The following RNF4 variants were observed in gnomAD, a reference collection of about 807,000 sequenced individuals.
RNF4 encodes the protein E3 ubiquitin-protein ligase RNF4.
A neutral mutation model predicts 24.3 loss-of-function variants in RNF4; 7 were observed. The observed-to-expected ratio is 0.29, with a 90% CI of 0.16 to 0.54. RNF4 has a LOEUF of 0.54. Ranked by LOEUF, RNF4 falls within the 20% of genes least tolerant of loss-of-function variation. RNF4 has a pLI of 0.95. For synonymous variants in RNF4, 83 were observed against 84.3 expected (o/e 0.98, Z 0.09); for missense variants, 209 against 248.5 (o/e 0.84, Z 1.07).
rs80169458 is a variant in RNF4, at chr4:2,472,601, T to TA, written c.-158+3361dup. On this transcript the variant is annotated intron_variant, in intron 1 of 7. Coordinates refer to ENST00000314289, the MANE Select transcript of RNF4 (RefSeq NM_002938.5). ...ACCACCCCCTCCACTGCCAGTCTCTTAAAAAAAAAAAAAAAAAAGGGCGGC... is the reference window on the plus strand; with the variant it reads ...ACCACCCCCTCCACTGCCAGTCTCTTAAAAAAAAAAAAAAAAAAAGGGCGGC... Among the ~76,000 whole-genome samples the TA allele has an allele frequency of 2.3e-3, 314 of 135,590 alleles. 5 individuals carry two copies. The highest frequency in any genetic ancestry group is 7.7e-3 in the East Asian group (36 of 4,668). The allele number at this position is 135,590 out of a possible 152,430, so 89.0% of individuals were successfully genotyped here.
At position 2,504,524 on chromosome 4, in the gene RNF4, T is replaced by A. The variant is rs559839332; in HGVS notation, c.204+3786T>A. Among the ~76,000 whole-genome samples, 433 of 140,864 alleles carry A rather than the reference T, an allele frequency of 3.1e-3. 1 individual carries two copies. Among genetic ancestry groups the A allele is most frequent in the African/African-American group, 0.011 (407 of 38,426 alleles). The allele number at this position is 140,864 out of a possible 152,430, so 92.4% of individuals were successfully genotyped here. On this transcript the variant is annotated intron_variant, in intron 4 of 7. Transcript: ENST00000314289. ...GTTTAAAACTTCTTTGTTTTATAGC[T>A]TTTATTTATTTATTTATTTATTTAT...
chr4:2,502,799 G>A (rs1244971295), intron 4 of RNF4, among the ~76,000 whole-genome samples: 2 of 149,644 alleles, frequency 1.3e-5, no homozygotes, highest in South Asian at 2.1e-4. Context: ...AGCCAAGATC[G>A]CGCCACTGCA....
intron 4 of RNF4, among the ~76,000 whole-genome samples, chr4:2,504,545 T>C (rs1736010832): frequency 6.7e-6 from 1 of 149,166 alleles, no homozygotes; most frequent in African/African-American, 2.4e-5. Flanking sequence ...TATTTATTTA[T>C]TTATTTATTT....
At chr4:2,495,416 A>G (rs1444281119) in intron 2 of RNF4, among the ~76,000 whole-genome samples, 1 of 152,186 alleles carries the variant, frequency 6.6e-6, no homozygotes, top group Non-Finnish European at 1.5e-5. Context: ...GGATAGTAGT[A>G]GCATCTTCCG....
chr4:2,486,136 G>A (rs1423228356), intron 1 of RNF4, among the ~76,000 whole-genome samples: 3 of 152,154 alleles, frequency 2.0e-5, no homozygotes, highest in Non-Finnish European at 4.4e-5. Context: ...TGCTTCATGG[G>A]TAAAATGGGG....
chr4:2,504,310 T>TTA (rs1399016988), intron 4 of RNF4, among the ~76,000 whole-genome samples: 3 of 152,170 alleles, frequency 2.0e-5, no homozygotes, highest in Non-Finnish European at 2.9e-5. Context: ...ATGCCAGACT[T>TTA]TTCTAAAGAG....
At position 2,515,720 on chromosome 4, in the gene RNF4, G is replaced by A. The variant is rs1203847; in HGVS notation, c.*1901G>A. On this transcript the variant is annotated 3_prime_UTR_variant, in exon 8 of 8. Coordinates refer to ENST00000314289, the MANE Select transcript of RNF4 (RefSeq NM_002938.5). Reference sequence around the variant, plus strand: ...CGAACTAGGGAAAGGTTGGTATGAAGAAATGTCTTTCCTTTTTTCAATGTA... The same window carrying A: ...CGAACTAGGGAAAGGTTGGTATGAAAAAATGTCTTTCCTTTTTTCAATGTA... The A allele has an allele frequency of 0.96, 146,900 of 152,720 alleles. 70,704 individuals carry two copies. The highest frequency in any genetic ancestry group is 0.99 in the Middle Eastern group (290 of 294). The allele number at this position is 152,720 out of a possible 1,614,324, so 9.5% of individuals were successfully genotyped here.
chr4:2,484,113 G>C (rs1160800553), intron 1 of RNF4, among the ~76,000 whole-genome samples: 1 of 119,304 alleles, frequency 8.4e-6, no homozygotes, highest in Non-Finnish European at 1.7e-5. Flanking sequence ...ACAGGTGTGA[G>C]CCACCATGCC....
chr4:2,512,457 G>A lies in RNF4; in HGVS notation c.234G>A (p.Arg78=). The change falls in exon 6 of 8, where the codon AGG becomes AGA. Residue 78 remains arginine (R), a synonymous_variant. Coordinates refer to ENST00000314289, the MANE Select transcript of RNF4 (RefSeq NM_002938.5). The surrounding 1 kb of genome is among the most constrained non-coding windows in gnomAD (Gnocchi z 4.1). ...VIVDERRRPR[R]NARRLPQDHA... ...CCTTAGAAAGAAGAAGACCAAGGAG[G>A]AATGCTAGGAGGCTGCCCCAGGACC... 1 of 1,612,320 alleles carries A rather than the reference G, an allele frequency of 6.2e-7. No homozygotes were observed. The highest frequency in any genetic ancestry group is 2.2e-5 in the East Asian group (1 of 44,842).
chr4:2,475,311 G>A (rs566137400), intron 1 of RNF4, among the ~76,000 whole-genome samples: 3 of 151,670 alleles, frequency 2.0e-5, no homozygotes, highest in Admixed American at 6.6e-5. Flanking sequence ...GGCTACAGGC[G>A]CACGCCACCG....
rs541325736 is a variant in RNF4, at chr4:2,476,344, A to G, written c.-158+7086A>G. Among the ~76,000 whole-genome samples, 22 of 152,284 alleles carry G rather than the reference A, an allele frequency of 1.4e-4. No homozygotes were observed. The South Asian group carries it at 3.5e-3, about 24-fold the overall frequency. On this transcript the variant is annotated intron_variant, in intron 1 of 7. Coordinates refer to ENST00000314289, the MANE Select transcript of RNF4 (RefSeq NM_002938.5). ...CAAGTTGAAAAGTTGAAAATGCCTC[A>G]GGTAGAAATGTTCTCTCCTATTCTC...
At chr4:2,510,050 C>G (rs1478036061) in intron 4 of RNF4, among the ~76,000 whole-genome samples, 2 of 152,200 alleles carry the variant, frequency 1.3e-5, no homozygotes, top group African/African-American at 4.8e-5. Context: ...TGATTGTCCC[C>G]AGATTTCCCT....
chr4:2,484,214 A>G (rs3108492), intron 1 of RNF4, among the ~76,000 whole-genome samples: 151,793 of 151,800 alleles, frequency 1, 75,893 homozygotes, highest in Middle Eastern at 1. Flanking sequence ...GTGTAGGCCT[A>G]GGCTAAACAG....
chr4:2,478,372 C>T (rs115573056), intron 1 of RNF4, among the ~76,000 whole-genome samples: 72 of 152,316 alleles, frequency 4.7e-4, no homozygotes, highest in African/African-American at 1.5e-3. Context: ...GGGAGCCAAA[C>T]GTTAATCCCC....
intron 4 of RNF4, among the ~76,000 whole-genome samples, chr4:2,502,734 C>T (rs1284982745): frequency 2.7e-5 from 4 of 149,374 alleles, no homozygotes; most frequent in African/African-American, 7.4e-5. Flanking sequence ...ATCCCAGCTA[C>T]TCGGGAGGCT....
At chr4:2,490,655 A>G in intron 2 of RNF4, 153 bp downstream of exon 2, 2 of 716,310 alleles carry the variant, frequency 2.8e-6, no homozygotes, top group Non-Finnish European at 4.5e-6. Context: ...TGGTGGTTAC[A>G]TCAGCTTACT....
At chr4:2,490,551 T>C in intron 2 of RNF4, 49 bp downstream of exon 2, 1 of 1,573,640 alleles carries the variant, frequency 6.4e-7, no homozygotes, top group Non-Finnish European at 8.7e-7. Flanking sequence ...GCTAATTAAC[T>C]ACCTTATTCC....
At chr4:2,503,572 C>T (rs1007782845) in intron 4 of RNF4, among the ~76,000 whole-genome samples, 1 of 152,184 alleles carries the variant, frequency 6.6e-6, no homozygotes, top group South Asian at 2.1e-4. Flanking sequence ...TCTTGCTAAT[C>T]ATTCTCTACT....
intron 2 of RNF4, among the ~76,000 whole-genome samples, chr4:2,492,769 A>G (rs910174620): frequency 2.8e-4 from 42 of 152,122 alleles, no homozygotes; most frequent in African/African-American, 9.7e-4. Context: ...AAAAAAGCCC[A>G]CTTCTTTGAC....
Sources: allele counts gnomAD v4.1 joint callset (sites outside exome capture counted in the v4.1 genomes callset), GRCh38; gene constraint gnomAD v4.1.1; non-coding constraint Gnocchi (gnomAD v3.1); transcripts MANE v1.5; gene names NCBI Gene and HGNC (gene_info 2026-07-23, HGNC 2026-07-21).